The following NECTIN2 variants were observed in gnomAD, a reference collection of about 807,000 sequenced individuals.
The protein encoded by NECTIN2 is nectin-2.
A neutral mutation model predicts 56.9 loss-of-function variants in NECTIN2; 23 were observed. That is an observed-to-expected ratio of 0.40 (90% CI 0.29 to 0.57). The LOEUF is 0.57. Ranked by LOEUF, NECTIN2 falls within the 20% of genes least tolerant of loss-of-function variation. The pLI is 0.38. For synonymous variants in NECTIN2, 302 were observed against 313.8 expected, an observed-to-expected ratio of 0.96 and a Z score of 0.40; for missense variants, 587 against 718.3, an observed-to-expected ratio of 0.82 and a Z score of 2.09.
At chr19:44,869,601 A>AG (rs1035474711) in intron 2 of NECTIN2, among the ~76,000 whole-genome samples, 1 of 145,312 alleles carries the variant, frequency 6.9e-6, no homozygotes, top group Admixed American at 6.7e-5. Context: ...TCAAAAAAAA[A>AG]AAAAAAAAGA....
intron 2 of NECTIN2, among the ~76,000 whole-genome samples, chr19:44,871,168 C>CT (rs970151597): frequency 3.3e-5 from 5 of 151,980 alleles, no homozygotes; most frequent in East Asian, 1.9e-4. Context: ...GCCCGACCAG[C>CT]TTTTTTTTAA....
chr19:44,852,943 C>CA (rs200746365), intron 1 of NECTIN2, among the ~76,000 whole-genome samples: 3 of 151,374 alleles, frequency 2.0e-5, no homozygotes, highest in Non-Finnish European at 4.4e-5. Context: ...CCCTTCTCTA[C>CA]AAAAAAAAAT....
chr19:44,851,605 C>G (rs1347334452), intron 1 of NECTIN2, among the ~76,000 whole-genome samples: 1 of 152,244 alleles, frequency 6.6e-6, no homozygotes, highest in Non-Finnish European at 1.5e-5. Context: ...AGCCTCCACT[C>G]TGCCACCACA....
rs200832146 is a variant in NECTIN2 at position 44,863,682 on chromosome 19, T to C, written c.89-1589T>C. On this transcript the variant is annotated intron_variant, in intron 1 of 8. Coordinates refer to ENST00000252483, the MANE Select transcript of NECTIN2 (RefSeq NM_001042724.2). Reference sequence around the variant, plus strand: ...CAACGTGGTGAAAGCCCATCTCTACTAAAAATACAAAAATTAGCCAGGCAT... The same window carrying C: ...CAACGTGGTGAAAGCCCATCTCTACCAAAAATACAAAAATTAGCCAGGCAT... 6.6e-5 allele frequency among the ~76,000 whole-genome samples: 10 copies of C among 151,064 alleles called. No individual in the cohort carries two copies. The East Asian group carries it at 2.0e-3, about 30-fold the overall frequency.
chr19:44,878,615 G>A, intron 5 of NECTIN2: 1 of 1,594,062 alleles, frequency 6.3e-7, no homozygotes, highest in Middle Eastern at 1.7e-4. Context: ...GGCAGTTTAT[G>A]TGTGACCTGG....
At chr19:44,871,036 T>C (rs1969168744) in intron 2 of NECTIN2, among the ~76,000 whole-genome samples, 1 of 152,124 alleles carries the variant, frequency 6.6e-6, no homozygotes, top group Non-Finnish European at 1.5e-5. Flanking sequence ...ATCCTAATTT[T>C]TGTATTTTCA....
intron 1 of NECTIN2, among the ~76,000 whole-genome samples, chr19:44,859,333 A>G (rs1969005346): frequency 6.6e-6 from 1 of 152,118 alleles, no homozygotes; most frequent in African/African-American, 2.4e-5. Context: ...TTAATCTTTA[A>G]ACAGCCCTTG....
chr19:44,872,936 T>C (rs1214199324), intron 3 of NECTIN2, among the ~76,000 whole-genome samples: 1 of 150,408 alleles, frequency 6.6e-6, no homozygotes, highest in Non-Finnish European at 1.5e-5. Flanking sequence ...ATATATTACA[T>C]TACAGGCTCC....
rs1363471980 is a variant in NECTIN2, at chr19:44,888,515, G to A, written c.*136G>A. 1 of 982,836 alleles carries A rather than the reference G, an allele frequency of 1.0e-6. No individual in the cohort carries two copies. Among genetic ancestry groups the A allele is most frequent in the African/African-American group, 1.6e-5 (1 of 60,718 alleles). The allele number at this position is 982,836 out of a possible 1,614,324, so 60.9% of individuals were successfully genotyped here. A position where few individuals can be genotyped will look rare whatever the true frequency, so the allele number is the denominator to read the frequency against. On this transcript the variant is annotated 3_prime_UTR_variant, in exon 9 of 9. Coordinates refer to ENST00000252483, the MANE Select transcript of NECTIN2 (RefSeq NM_001042724.2). The stretch of plus-strand genomic sequence containing the variant: ...CATTCCATTTGTGATGTCTACCTTG[G>A]TGGCTCCACTATGACCCCTAACCCA...
At chr19:44,850,474 G>A (rs1426803343) in intron 1 of NECTIN2, among the ~76,000 whole-genome samples, 1 of 152,010 alleles carries the variant, frequency 6.6e-6, no homozygotes, top group Non-Finnish European at 1.5e-5. Context: ...GCGAAACCCT[G>A]TCTCTGCAAA....
chr19:44,870,944 A>G (rs1373283741), intron 2 of NECTIN2, among the ~76,000 whole-genome samples: 2 of 152,006 alleles, frequency 1.3e-5, no homozygotes, highest in African/African-American at 4.8e-5. Context: ...TGGCCACGCT[A>G]GTCTAGAACT....
chr19:44,879,551 G>T (rs1254450984), intron 5 of NECTIN2, among the ~76,000 whole-genome samples: 1 of 152,022 alleles, frequency 6.6e-6, no homozygotes, highest in Non-Finnish European at 1.5e-5. Flanking sequence ...TGCCCCCAGG[G>T]ATCACCCCAG....
intron 1 of NECTIN2, among the ~76,000 whole-genome samples, chr19:44,860,534 T>G (rs384973): frequency 0.34 from 51,239 of 151,930 alleles, 9,407 homozygotes; most frequent in Non-Finnish European, 0.39. Flanking sequence ...AAACTGATTA[T>G]AGTAACAGAT....
intron 5 of NECTIN2, chr19:44,881,980 T>A: frequency 2.7e-6 from 1 of 374,934 alleles, no homozygotes; most frequent in Non-Finnish European, 4.7e-6. Context: ...AGAATCAAAG[T>A]TCCATGAAGG....
chr19:44,857,715 T>C (rs996423376), intron 1 of NECTIN2, among the ~76,000 whole-genome samples: 1 of 150,600 alleles, frequency 6.6e-6, no homozygotes, highest in Admixed American at 6.6e-5. Flanking sequence ...GTTTTTGTTT[T>C]TTTTTTTTTA....
In NECTIN2 at chr19:44,888,508, T is replaced by C; in HGVS notation, c.*129T>C. 3 of 1,040,058 alleles carry C rather than the reference T, an allele frequency of 2.9e-6. No individual in the cohort carries two copies. Among genetic ancestry groups the C allele is most frequent in the Non-Finnish European group, 4.2e-6 (3 of 720,472 alleles). The allele number at this position is 1,040,058 out of a possible 1,614,324, so 64.4% of individuals were successfully genotyped here. ...ACATATGCATTCCATTTGTGATGTC[T>C]ACCTTGGTGGCTCCACTATGACCCC... On this transcript the variant is annotated 3_prime_UTR_variant, in exon 9 of 9. Transcript: ENST00000252483.
chr19:44,864,809 C>G (rs1969077645), intron 1 of NECTIN2, among the ~76,000 whole-genome samples: 1 of 151,940 alleles, frequency 6.6e-6, no homozygotes, highest in African/African-American at 2.4e-5. Flanking sequence ...GCCTGGTCAA[C>G]AGAGCAAGAC....
intron 1 of NECTIN2, among the ~76,000 whole-genome samples, chr19:44,858,126 C>T (rs1968989123): frequency 6.6e-6 from 1 of 152,084 alleles, no homozygotes; most frequent in Non-Finnish European, 1.5e-5. Context: ...ATACATTTCG[C>T]ATAGCTCAGA....
intron 6 of NECTIN2, among the ~76,000 whole-genome samples, chr19:44,885,225 A>G (rs1969346796): frequency 6.8e-6 from 1 of 147,828 alleles, no homozygotes; most frequent in Non-Finnish European, 1.5e-5. Flanking sequence ...CACACTCCTG[A>G]CCTCAGGTGA....
Sources: allele counts gnomAD v4.1 joint callset (sites outside exome capture counted in the v4.1 genomes callset), GRCh38; gene constraint gnomAD v4.1.1; transcripts MANE v1.5; gene names NCBI Gene and HGNC (gene_info 2026-07-23, HGNC 2026-07-21).